The following MYO5A variants were observed in gnomAD, a reference collection of about 807,000 sequenced individuals.
MYO5A encodes unconventional myosin-Va.
A neutral mutation model predicts 249.7 loss-of-function variants in MYO5A; 98 were observed. The observed-to-expected ratio is 0.39, with a 90% confidence interval of 0.33 to 0.46. The LOEUF is 0.46. Ranked by LOEUF, MYO5A falls within the 20% of genes least tolerant of loss-of-function variation. The pLI, the probability that MYO5A is intolerant of heterozygous loss-of-function variation, is 0.98. For missense variants in MYO5A, 1,696 were observed against 2,308.8 expected, an observed-to-expected ratio of 0.73 and a Z score of 5.44; for synonymous variants, 778 against 810.6, an observed-to-expected ratio of 0.96 and a Z score of 0.68.
intron 1 of MYO5A, among the ~76,000 whole-genome samples, chr15:52,518,988 G>A (rs1267645281): frequency 1.3e-5 from 2 of 152,152 alleles, no homozygotes; most frequent in East Asian, 1.9e-4. Flanking sequence ...TATATACTTC[G>A]TTATAACAAA....
At chr15:52,364,250 AAAAC>A (rs1295024894) in intron 24 of MYO5A, among the ~76,000 whole-genome samples, 1 of 152,070 alleles carries the variant, frequency 6.6e-6, no homozygotes, top group Non-Finnish European at 1.5e-5. Context: ...AAAAAAAACA[AAAAC>A]AAAAACAAAA....
intron 1 of MYO5A, among the ~76,000 whole-genome samples, chr15:52,445,532 A>C (rs779831599): frequency 2.0e-5 from 3 of 152,230 alleles, no homozygotes; most frequent in Non-Finnish European, 4.4e-5. Context: ...AAAATGTAGA[A>C]GCAACTTTGG....
chr15:52,344,484 T>C (rs568692114), intron 30 of MYO5A, among the ~76,000 whole-genome samples: 1 of 152,304 alleles, frequency 6.6e-6, no homozygotes, highest in Admixed American at 6.5e-5. Flanking sequence ...CGCCCACACA[T>C]TCAATAAACC....
intron 36 of MYO5A, 165 bp from the exon 37 acceptor site, chr15:52,323,609 T>G: frequency 1.6e-5 from 9 of 563,950 alleles, no homozygotes; most frequent in East Asian, 3.4e-5. Context: ...GCTAGCAGAA[T>G]GTCAGCGACC....
intron 41 of MYO5A, 73 bp downstream of exon 41, chr15:52,314,050 C>A: frequency 4.4e-6 from 6 of 1,377,972 alleles, no homozygotes; most frequent in Non-Finnish European, 6.2e-6. Flanking sequence ...AACACATTAT[C>A]CTTCAATAAA....
At position 52,379,604 on chromosome 15, in the gene MYO5A, G is replaced by A. The variant is rs9282792; in HGVS notation, c.2208+21C>T. ...CCACAAGGCCTTCTGCTCAGATGAC[G>A]GTAAGCGAAATCATTCTCACCAGTA... On this transcript the variant is annotated intron_variant, in intron 18 of 41. Transcript: ENST00000399233. The A allele has an allele frequency of 1.4e-4, 222 of 1,603,708 alleles. 1 individual carries two copies. The highest frequency in any genetic ancestry group is 1.9e-4 in the Non-Finnish European group (217 of 1,170,596).
intron 22 of MYO5A, among the ~76,000 whole-genome samples, chr15:52,369,682 A>G (rs534274366): frequency 5.3e-5 from 8 of 152,256 alleles, no homozygotes. Context: ...TTCCATTATT[A>G]GAACACTAAG....
intron 2 of MYO5A, among the ~76,000 whole-genome samples, chr15:52,430,342 G>C (rs1351527196): frequency 2.0e-5 from 3 of 152,214 alleles, no homozygotes; most frequent in South Asian, 4.1e-4. Flanking sequence ...TTTGTGGCTA[G>C]TGTGGGGAGA....
At chr15:52,396,278 T>A in intron 11 of MYO5A, 38 bp downstream of exon 11, 8 of 1,187,876 alleles carry the variant, frequency 6.7e-6, no homozygotes, top group Non-Finnish European at 9.9e-6. Flanking sequence ...AAGAGAATAA[T>A]TTATAGCAGA....
chr15:52,501,526 G>C (rs1340101168), intron 1 of MYO5A, among the ~76,000 whole-genome samples: 1 of 152,066 alleles, frequency 6.6e-6, no homozygotes, highest in Non-Finnish European at 1.5e-5. Flanking sequence ...TTTAGCCCAG[G>C]AGTTCAAGGC....
intron 1 of MYO5A, among the ~76,000 whole-genome samples, chr15:52,478,489 G>A (rs573181745): frequency 7.9e-5 from 12 of 152,270 alleles, no homozygotes; most frequent in African/African-American, 2.4e-4. Flanking sequence ...GAAATCACTC[G>A]TCTTCTGCGT....
Position 52,418,238 on chromosome 15 carries a change from T to C in MYO5A, c.456-1937A>G, listed in dbSNP as rs116487469. ...CAAGGGCCTCCACAATAATCCTAAA[T>C]AGGCTGGGTACTGGGTGCTTTGGAG... On this transcript the variant is annotated intron_variant, in intron 4 of 41. Coordinates refer to ENST00000399233, the MANE Select transcript of MYO5A (RefSeq NM_001382347.1). 5.6e-3 allele frequency among the ~76,000 whole-genome samples: 855 copies of C among 152,244 alleles called. 6 individuals carry two copies. The highest frequency in any genetic ancestry group is 0.019 in the African/African-American group (799 of 41,544).
chr15:52,397,445 T>C lies in MYO5A; in HGVS notation c.1075A>G (p.Ile359Val), dbSNP rs777162187. 25 of 1,614,080 alleles carry C rather than the reference T, an allele frequency of 1.5e-5. No homozygotes were observed. Among genetic ancestry groups the C allele is most frequent in the Middle Eastern group, 1.7e-4 (1 of 6,060 alleles). The change falls in exon 10 of 42, where the codon ATC becomes GTC. Residue 359 changes from isoleucine to valine, a missense_variant. By Grantham distance (29) the Ile-to-Val change is conservative (BLOSUM62 3). This residue lies in a region of MYO5A where 185 missense variants were observed against 204.8 expected (regional missense o/e 0.90). Coordinates refer to ENST00000399233, the MANE Select transcript of MYO5A (RefSeq NM_001382347.1). ...TCCACACCCATGAGTTCACAGAAGA[T>C]GCAGAGAGGTTCATGCTTGGGCTGC... ...TIPPKHEPLC[I>V]FCELMGVDYE... is the part of the protein sequence containing the mutation.
chr15:52,423,660 G>A (rs1487771959), intron 4 of MYO5A, among the ~76,000 whole-genome samples: 5 of 151,946 alleles, frequency 3.3e-5, no homozygotes, highest in Admixed American at 2.0e-4. Flanking sequence ...AGATGTTATG[G>A]GTATAGATTT....
intron 18 of MYO5A, among the ~76,000 whole-genome samples, chr15:52,379,052 T>C (rs2141118786): frequency 6.6e-6 from 1 of 152,358 alleles, no homozygotes; most frequent in African/African-American, 2.4e-5. Flanking sequence ...GAGCAAACCC[T>C]ATGCTTACCC....
chr15:52,387,231 T>C (rs1167963950), intron 14 of MYO5A, among the ~76,000 whole-genome samples: 1 of 152,178 alleles, frequency 6.6e-6, no homozygotes, highest in African/African-American at 2.4e-5. Flanking sequence ...CCATCGTAGC[T>C]CTTACCATCT....
intron 5 of MYO5A, among the ~76,000 whole-genome samples, chr15:52,413,127 A>G (rs1275290027): frequency 6.7e-6 from 1 of 149,820 alleles, no homozygotes; most frequent in Non-Finnish European, 1.5e-5. Flanking sequence ...AGCCTGGACA[A>G]CAAGAGCGAA....
chr15:52,528,631 CT>C, intron 1 of MYO5A, 148 bp downstream of exon 1: 1 of 914,822 alleles, frequency 1.1e-6, no homozygotes, highest in South Asian at 2.3e-5. Context: ...GGGCGACCGG[CT>C]GGTAGGGCCG....
At chr15:52,485,484 T>G (rs1433821223) in intron 1 of MYO5A, among the ~76,000 whole-genome samples, 7 of 152,198 alleles carry the variant, frequency 4.6e-5, no homozygotes, top group Non-Finnish European at 1.0e-4. Context: ...CATGAGATAC[T>G]GAATTCTAGA....
Sources: gnomAD v4.1 joint callset for allele counts (sites outside exome capture counted in the v4.1 genomes callset) on GRCh38, gnomAD v4.1.1 for gene constraint, gnomAD v4.1.1 regional missense constraint, MANE v1.5 for transcripts, NCBI Gene and HGNC (gene_info 2026-07-23, HGNC 2026-07-21) for gene names.